Variants in KIFAP3 observed in about 807,000 individuals in gnomAD.
KIFAP3 encodes the protein kinesin-associated protein 3.
In KIFAP3, 68 loss-of-function variants were observed where a neutral mutation model predicts 106.5. The ratio of observed to expected loss-of-function variants is 0.64; its 90% CI spans 0.53 to 0.78. KIFAP3 has a LOEUF of 0.78. KIFAP3 is among the 30% of genes least tolerant of loss of function. KIFAP3 has a pLI of 0.00. For synonymous variants in KIFAP3, 320 were observed against 311.5 expected (o/e 1.03, Z -0.29); for missense variants, 780 against 941.8 (o/e 0.83, Z 2.25).
chr1:170,076,058 TA>T (rs1326618740), upstream of KIFAP3, among the ~76,000 whole-genome samples: 1 of 152,162 alleles, frequency 6.6e-6, no homozygotes, highest in African/African-American at 2.4e-5. Context: ...AAATATACAT[TA>T]AAATGCATAG....
chr1:170,008,345 G>T (rs1286907680), intron 10 of KIFAP3, among the ~76,000 whole-genome samples: 2 of 151,402 alleles, frequency 1.3e-5, no homozygotes, highest in East Asian at 3.9e-4. Flanking sequence ...CTACAGAATG[G>T]GAGAAAATTT....
intron 10 of KIFAP3, among the ~76,000 whole-genome samples, chr1:170,006,098 G>C (rs967279274): frequency 2.6e-5 from 4 of 152,026 alleles, no homozygotes; most frequent in African/African-American, 7.3e-5. Flanking sequence ...TATCAGAATA[G>C]GACCTATTTT....
chr1:169,968,520 AAATT>A (rs1334359195), intron 17 of KIFAP3, among the ~76,000 whole-genome samples: 1 of 151,934 alleles, frequency 6.6e-6, no homozygotes, highest in Non-Finnish European at 1.5e-5. Flanking sequence ...TTTTCATACT[AAATT>A]AAAGCAAGTC....
chr1:170,030,648 T>C (rs1669352722), intron 8 of KIFAP3, among the ~76,000 whole-genome samples: 1 of 151,838 alleles, frequency 6.6e-6, no homozygotes, highest in South Asian at 2.1e-4. Context: ...AATGCAATAA[T>C]ATGGATGAAT....
chr1:169,946,582 T>G (rs764243548), intron 19 of KIFAP3, among the ~76,000 whole-genome samples: 8 of 152,098 alleles, frequency 5.3e-5, no homozygotes, highest in Non-Finnish European at 1.5e-5. Context: ...TACCTGGTTT[T>G]AGGCTAGTTC....
chr1:170,024,244 TTAAC>T (rs1668999861), intron 9 of KIFAP3, 170 bp downstream of exon 9: 4 of 440,952 alleles, frequency 9.1e-6, no homozygotes, highest in Non-Finnish European at 1.6e-5. Context: ...ACCTGGAATA[TTAAC>T]TAATATGGAA....
intron 18 of KIFAP3, among the ~76,000 whole-genome samples, chr1:169,956,210 G>A (rs1027199576): frequency 8.6e-5 from 13 of 151,664 alleles, no homozygotes; most frequent in Non-Finnish European, 1.6e-4. Context: ...AAAGATATTC[G>A]GCATGCCAAT....
At chr1:169,992,412 G>T (rs942175718) in intron 10 of KIFAP3, among the ~76,000 whole-genome samples, 157 bp from the exon 11 acceptor site, 2 of 152,050 alleles carry the variant, frequency 1.3e-5, no homozygotes, top group African/African-American at 4.8e-5. Flanking sequence ...CCAAAATTTA[G>T]AGCAAGCATA....
At chr1:170,056,135 G>A (rs17345663) in intron 1 of KIFAP3, among the ~76,000 whole-genome samples, 10,835 of 151,264 alleles carry the variant, frequency 0.072, 431 homozygotes, top group Non-Finnish European at 0.095. Context: ...CAACCTGCCC[G>A]TTAATTACCC....
At chr1:170,080,503 T>TA (rs1372809140) in intron 1 of KIFAP3, among the ~76,000 whole-genome samples, 1 of 152,142 alleles carries the variant, frequency 6.6e-6, no homozygotes, top group African/African-American at 2.4e-5. Context: ...AAAGACCTAC[T>TA]ATAACTTCAT....
chr1:169,990,050 G>A lies in KIFAP3; in HGVS notation c.1284+2105C>T, dbSNP rs1217734189. 2.0e-6 allele frequency: 3 copies of A among 1,531,440 alleles called. No individual in the cohort carries two copies. The African/African-American group carries it at 4.2e-5, about 21-fold the overall frequency. The allele number at this position is 1,531,440 out of a possible 1,614,324, so 94.9% of individuals were successfully genotyped here. ...TATGGAATTATGCTTTGTTATCATA[G>A]TGACTCAGGTTTTGTTTTGTCCATT... On this transcript the variant is annotated intron_variant, in intron 11 of 19. Coordinates refer to ENST00000361580, the MANE Select transcript of KIFAP3 (RefSeq NM_014970.4).
intron 15 of KIFAP3, among the ~76,000 whole-genome samples, chr1:169,981,391 A>G (rs564054559): frequency 1.2e-4 from 19 of 152,292 alleles, no homozygotes; most frequent in Non-Finnish European, 1.6e-4. Context: ...GTCCCTTAGT[A>G]GCCATCTCAG....
At chr1:170,023,678 A>G (rs967780004) in intron 9 of KIFAP3, among the ~76,000 whole-genome samples, 14 of 152,052 alleles carry the variant, frequency 9.2e-5, no homozygotes, top group African/African-American at 3.4e-4. Flanking sequence ...CATAACAAAG[A>G]CTTTTTAATG....
intron 10 of KIFAP3, among the ~76,000 whole-genome samples, chr1:170,004,385 C>A (rs957633064): frequency 7.1e-4 from 108 of 152,052 alleles, no homozygotes; most frequent in Middle Eastern, 6.8e-3. Context: ...CCAAAAAAGA[C>A]CCCGCATTGC....
intron 1 of KIFAP3, among the ~76,000 whole-genome samples, chr1:170,062,279 C>G (rs972048133): frequency 4.6e-5 from 7 of 151,094 alleles, no homozygotes; most frequent in African/African-American, 1.7e-4. Flanking sequence ...ACCCACCACC[C>G]CCAAACCCTA....
rs1445565914 is a variant in KIFAP3 at position 169,921,774 on chromosome 1, T to C, written c.2281A>G (p.Met761Val). 2 of 1,613,164 alleles carry C rather than the reference T, an allele frequency of 1.2e-6. No homozygotes were observed. The highest frequency in any genetic ancestry group is 2.2e-5 in the East Asian group (1 of 44,860). ...CCAACTGGTTGGCCAAAGCCATCCA[T>C]TCCAAGGCTAAAAAAGAAAAAAAAG... is the stretch of plus-strand genomic sequence containing the variant. The part of the protein sequence containing the change: ...GQHSFPGSLG[M>V]DGFGQPVGIL... Residue 761 changes from methionine (M) to valine (V), a missense_variant, in exon 20 of 20, where the codon ATG becomes GTG. Met to Val is a conservative substitution (Grantham distance 21). Transcript: ENST00000361580.
intron 1 of KIFAP3, among the ~76,000 whole-genome samples, chr1:170,062,247 A>G (rs984468212): frequency 6.6e-6 from 1 of 151,048 alleles, no homozygotes; most frequent in African/African-American, 2.4e-5. Context: ...AAAATGTGTC[A>G]GGTTAAAGGG....
At chr1:169,928,596 T>G (rs967966948) in intron 19 of KIFAP3, among the ~76,000 whole-genome samples, 2 of 141,738 alleles carry the variant, frequency 1.4e-5, no homozygotes, top group Non-Finnish European at 3.0e-5. Context: ...ACTCATGGGT[T>G]TGAAGCAGGA....
At chr1:170,023,405 T>C (rs1196689223) in intron 9 of KIFAP3, among the ~76,000 whole-genome samples, 5 of 152,128 alleles carry the variant, frequency 3.3e-5, no homozygotes, top group Non-Finnish European at 1.5e-5. Context: ...TCAGACTATC[T>C]AAAGGAGAAG....
Sources: allele counts gnomAD v4.1 joint callset (sites outside exome capture counted in the v4.1 genomes callset), GRCh38; gene constraint gnomAD v4.1.1; transcripts MANE v1.5; gene names NCBI Gene and HGNC (gene_info 2026-07-23, HGNC 2026-07-21).